STXBP5L: variants seen among roughly 807,000 people sequenced by gnomAD.
STXBP5L encodes syntaxin binding protein 5L, also known as syntaxin-binding protein 5-like.
In STXBP5L, 65 loss-of-function variants were observed where a neutral mutation model predicts 144.5. That is an observed-to-expected ratio of 0.45 (90% CI 0.37 to 0.55). STXBP5L has a LOEUF of 0.55. Ranked by LOEUF, STXBP5L falls within the 20% of genes least tolerant of loss-of-function variation. The pLI is 0.00. For missense variants in STXBP5L, 1,298 were observed against 1,405.5 expected (o/e 0.92, Z 1.22); for synonymous variants, 505 against 469.6 (o/e 1.08, Z -0.97).
chr3:121,116,887 A>G (rs965888318), intron 6 of STXBP5L, among the ~76,000 whole-genome samples: 1 of 152,004 alleles, frequency 6.6e-6, no homozygotes, highest in African/African-American at 2.4e-5. Flanking sequence ...AGATTCAGTT[A>G]TAAAACTTTT....
At chr3:121,375,816 A>T (rs551253960) in intron 20 of STXBP5L, among the ~76,000 whole-genome samples, 1 of 152,206 alleles carries the variant, frequency 6.6e-6, no homozygotes, top group African/African-American at 2.4e-5. Context: ...TTCATGTTCA[A>T]CATGGCCAAT....
At chr3:121,053,281 C>G (rs1191998830) in intron 5 of STXBP5L, among the ~76,000 whole-genome samples, 1 of 152,142 alleles carries the variant, frequency 6.6e-6, no homozygotes, top group East Asian at 1.9e-4. Context: ...CCCCCATTGC[C>G]AAGTCAATCC....
chr3:121,286,518 C>A (rs1263250387), intron 19 of STXBP5L, among the ~76,000 whole-genome samples: 1 of 151,876 alleles, frequency 6.6e-6, no homozygotes, highest in Non-Finnish European at 1.5e-5. Context: ...TCATTTATAA[C>A]AGGTAATATA....
At chr3:121,217,999 ATATAG>A (rs1021766902) in intron 10 of STXBP5L, among the ~76,000 whole-genome samples, 13 of 144,958 alleles carry the variant, frequency 9.0e-5, no homozygotes, top group South Asian at 8.4e-4. Flanking sequence ...ACTATATAAT[ATATAG>A]TATAATATAT....
intron 10 of STXBP5L, among the ~76,000 whole-genome samples, chr3:121,219,448 C>G (rs1488826386): frequency 6.6e-6 from 1 of 152,040 alleles, no homozygotes; most frequent in African/African-American, 2.4e-5. Context: ...GTTTTCTTCT[C>G]GGTTTTATGT....
chr3:121,017,181 C>A (rs555938642), intron 3 of STXBP5L, among the ~76,000 whole-genome samples: 15 of 152,078 alleles, frequency 9.9e-5, no homozygotes, highest in African/African-American at 2.9e-4. Context: ...ACAGAAAAAA[C>A]AATTAAATGA....
intron 11 of STXBP5L, among the ~76,000 whole-genome samples, chr3:121,227,766 T>A (rs1420907617): frequency 6.6e-6 from 1 of 152,160 alleles, no homozygotes; most frequent in African/African-American, 2.4e-5. Context: ...TCATTTAACA[T>A]AATAATCATT....
At chr3:121,178,101 G>T (rs1253220011) in intron 9 of STXBP5L, among the ~76,000 whole-genome samples, 1 of 152,110 alleles carries the variant, frequency 6.6e-6, no homozygotes, top group East Asian at 1.9e-4. Flanking sequence ...AAAGGAGAAT[G>T]GTGGTTGCCA....
In STXBP5L at chr3:121,244,642, G is replaced by A. The variant is rs146588660; in HGVS notation, c.1400+4135G>A. Among the ~76,000 whole-genome samples the A allele has an allele frequency of 6.2e-3, 947 of 152,142 alleles. 3 individuals are homozygous for A. Among genetic ancestry groups the A allele is most frequent in the Middle Eastern group, 0.017 (5 of 294 alleles). ...TAAAGAGACACATTATAATCAAACT[G>A]TCGAAAATCAAAAACAAAAAGAAAA... On this transcript the variant is annotated intron_variant, in intron 14 of 26. Coordinates refer to ENST00000471454, the MANE Select transcript of STXBP5L (RefSeq NM_001308330.2).
At chr3:121,333,109 A>G (rs547776509) in intron 20 of STXBP5L, among the ~76,000 whole-genome samples, 4 of 152,302 alleles carry the variant, frequency 2.6e-5, no homozygotes, top group East Asian at 3.9e-4. Context: ...CCAAAGGTCA[A>G]TATGCACCAG....
intron 20 of STXBP5L, among the ~76,000 whole-genome samples, chr3:121,360,392 C>T (rs1444103353): frequency 6.6e-6 from 1 of 151,822 alleles, no homozygotes; most frequent in African/African-American, 2.4e-5. Context: ...AATCCATTTA[C>T]TTTCAAAGTA....
intron 5 of STXBP5L, among the ~76,000 whole-genome samples, chr3:121,067,485 T>C (rs1257681280): frequency 6.6e-6 from 1 of 152,178 alleles, no homozygotes; most frequent in African/African-American, 2.4e-5. Flanking sequence ...GGAAAGATCA[T>C]AGTATATGGT....
chr3:120,988,070 ATT>A (rs911013915), intron 3 of STXBP5L, among the ~76,000 whole-genome samples: 1 of 131,556 alleles, frequency 7.6e-6, no homozygotes, highest in South Asian at 2.4e-4. Flanking sequence ...AGGTATATTT[ATT>A]TTTTTTTCAA....
intron 3 of STXBP5L, among the ~76,000 whole-genome samples, chr3:120,971,273 T>A (rs763255048): frequency 2.2e-4 from 34 of 152,082 alleles, no homozygotes; most frequent in Non-Finnish European, 4.0e-4. Flanking sequence ...GCAATTTTGT[T>A]ACATGGATAT....
intron 11 of STXBP5L, 117 bp downstream of exon 11, chr3:121,223,274 C>T: frequency 9.5e-7 from 1 of 1,051,098 alleles, no homozygotes; most frequent in South Asian, 1.7e-5. Context: ...CTGTGAGCTA[C>T]AAGTGCTGGA....
intron 3 of STXBP5L, among the ~76,000 whole-genome samples, chr3:120,981,733 G>C (rs1559949009): frequency 6.6e-6 from 1 of 152,092 alleles, no homozygotes; most frequent in Admixed American, 6.5e-5. Context: ...CTTTGCAGGT[G>C]GTACAACACT....
intron 5 of STXBP5L, among the ~76,000 whole-genome samples, chr3:121,073,258 G>T (rs2041881974): frequency 6.6e-6 from 1 of 152,200 alleles, no homozygotes. Flanking sequence ...AGTGTGGCTG[G>T]ATTTAGAGTG....
At chr3:121,046,890 T>A (rs1947554048) in intron 5 of STXBP5L, among the ~76,000 whole-genome samples, 1 of 151,992 alleles carries the variant, frequency 6.6e-6, no homozygotes, top group South Asian at 2.1e-4. Flanking sequence ...TTCTTGTCTT[T>A]TGCTAGCTTT....
intron 3 of STXBP5L, among the ~76,000 whole-genome samples, chr3:120,959,714 G>C (rs1429030441): frequency 1.3e-5 from 2 of 152,164 alleles, no homozygotes; most frequent in Non-Finnish European, 2.9e-5. Flanking sequence ...GTAGAAAGCT[G>C]AAACTGGATC....
Sources: allele counts gnomAD v4.1 joint callset (sites outside exome capture counted in the v4.1 genomes callset), GRCh38; gene constraint gnomAD v4.1.1; transcripts MANE v1.5; gene names NCBI Gene and HGNC (gene_info 2026-07-23, HGNC 2026-07-21).